The following AMPH variants were observed in gnomAD, a reference collection of about 807,000 sequenced individuals.
AMPH encodes the protein amphiphysin, also known as amphiphysin (Stiff-Mann syndrome with breast cancer 128kD autoantigen).
AMPH carries 49 observed loss-of-function variants against 99.1 expected under a neutral mutation model. That is an observed-to-expected ratio of 0.49 (90% CI 0.39 to 0.63). AMPH has a LOEUF of 0.63. Ranked by LOEUF, AMPH falls within the 20% of genes least tolerant of loss-of-function variation. AMPH has a pLI of 0.00. For synonymous variants in AMPH, 314 were observed against 317.3 expected (o/e 0.99, Z 0.11); for missense variants, 759 against 863.4 (o/e 0.88, Z 1.52).
chr7:38,393,150 A>C (rs1784564095), intron 18 of AMPH, among the ~76,000 whole-genome samples: 1 of 152,184 alleles, frequency 6.6e-6, no homozygotes, highest in Non-Finnish European at 1.5e-5. Flanking sequence ...GAGAAAATCT[A>C]AGGGGAAAAA....
chr7:38,606,537 T>C (rs182487616), intron 1 of AMPH, among the ~76,000 whole-genome samples: 37 of 151,154 alleles, frequency 2.4e-4, no homozygotes, highest in Admixed American at 2.3e-3. Flanking sequence ...CATTCATCCA[T>C]ACTGTGGCAC....
intron 1 of AMPH, among the ~76,000 whole-genome samples, chr7:38,612,084 C>CTTTTTTTTTTTTTTTTTTT (rs777855014): frequency 2.2e-5 from 2 of 90,892 alleles, no homozygotes; most frequent in Non-Finnish European, 4.2e-5. Flanking sequence ...TTTTTGTCTT[C>CTTTTTTTTTTTTTTTTTTT]TTCTTTTTTT....
intron 1 of AMPH, among the ~76,000 whole-genome samples, chr7:38,559,919 C>T (rs1005688267): frequency 6.6e-6 from 1 of 152,116 alleles, no homozygotes; most frequent in Non-Finnish European, 1.5e-5. Context: ...GCTGGGATCA[C>T]CTAACCAGTC....
At chr7:38,430,344 C>G (rs1165791284) in intron 13 of AMPH, among the ~76,000 whole-genome samples, 1 of 152,202 alleles carries the variant, frequency 6.6e-6, no homozygotes, top group African/African-American at 2.4e-5. Context: ...ATTAACCAGT[C>G]TGACTGCCTG....
chr7:38,486,522 T>C (rs1301318928), intron 5 of AMPH, among the ~76,000 whole-genome samples: 1 of 151,996 alleles, frequency 6.6e-6, no homozygotes, highest in African/African-American at 2.4e-5. Context: ...AAAGAATTAA[T>C]GCCAATTCTT....
intron 1 of AMPH, among the ~76,000 whole-genome samples, chr7:38,584,975 C>G (rs1792593175): frequency 1.3e-5 from 2 of 152,166 alleles, no homozygotes; most frequent in South Asian, 4.1e-4. Flanking sequence ...GTAAGAATTA[C>G]AAAGTTCATC....
chr7:38,560,686 T>C (rs1188012136), intron 1 of AMPH, among the ~76,000 whole-genome samples: 1 of 152,172 alleles, frequency 6.6e-6, no homozygotes, highest in African/African-American at 2.4e-5. Flanking sequence ...TGTTTGTTTG[T>C]TTTATTTTGT....
intron 1 of AMPH, among the ~76,000 whole-genome samples, chr7:38,593,454 G>T (rs545333576): frequency 6.6e-6 from 1 of 152,366 alleles, no homozygotes; most frequent in East Asian, 1.9e-4. Flanking sequence ...AGGGTAACAA[G>T]CAGCGTTCCT....
intron 7 of AMPH, among the ~76,000 whole-genome samples, chr7:38,471,952 T>C (rs1787903429): frequency 1.3e-5 from 2 of 152,056 alleles, no homozygotes; most frequent in Admixed American, 1.3e-4. Context: ...TATATACACC[T>C]AACAAAAGAG....
chr7:38,392,487 C>T (rs1784537870), intron 18 of AMPH: 1 of 150,124 alleles, frequency 6.7e-6, no homozygotes, highest in Non-Finnish European at 1.4e-5. Context: ...CCCGGGTTGA[C>T]GCCATTCTCC....
intron 11 of AMPH, among the ~76,000 whole-genome samples, chr7:38,443,004 T>A (rs1270073091): frequency 6.6e-6 from 1 of 151,988 alleles, no homozygotes; most frequent in African/African-American, 2.4e-5. Flanking sequence ...TGAACAAGGA[T>A]GCAGATTACC....
At chr7:38,564,019 T>G (rs1791644022) in intron 1 of AMPH, among the ~76,000 whole-genome samples, 1 of 152,224 alleles carries the variant, frequency 6.6e-6, no homozygotes, top group Admixed American at 6.5e-5. Context: ...TGACAAACAC[T>G]TGGGTCGCTT....
intron 1 of AMPH, among the ~76,000 whole-genome samples, chr7:38,561,924 G>GA (rs112793515): frequency 0.15 from 20,834 of 138,736 alleles, 1,511 homozygotes; most frequent in Middle Eastern, 0.25. Flanking sequence ...GGACTTGTAA[G>GA]AAAAAAAAAA....
At chr7:38,417,264 C>G (rs1785413007) in intron 17 of AMPH, among the ~76,000 whole-genome samples, 1 of 151,860 alleles carries the variant, frequency 6.6e-6, no homozygotes, top group Non-Finnish European at 1.5e-5. Flanking sequence ...ACAAATGGAT[C>G]CCCATCCCAG....
chr7:38,534,850 C>A, intron 2 of AMPH, 81 bp downstream of exon 2: 1 of 1,211,208 alleles, frequency 8.3e-7, no homozygotes, highest in Non-Finnish European at 1.2e-6. Context: ...TTTTTTTAAT[C>A]TTAATGCATT....
intron 5 of AMPH, 39 bp from the exon 6 acceptor site, chr7:38,477,008 G>C: frequency 1.3e-6 from 2 of 1,578,366 alleles, no homozygotes; most frequent in Non-Finnish European, 1.7e-6. Flanking sequence ...AAGAAGCATG[G>C]ACATAAGAGT....
chr7:38,467,458 A>G (rs1244554911), intron 7 of AMPH, among the ~76,000 whole-genome samples: 1 of 152,152 alleles, frequency 6.6e-6, no homozygotes, highest in African/African-American at 2.4e-5. Context: ...CAAGGCCCCA[A>G]TCAACTGGGA....
rs201688517 is a variant in AMPH at position 38,445,033 on chromosome 7, C to CAT, written c.1018-8647_1018-8646dup. On this transcript the variant is annotated intron_variant, in intron 11 of 20. Coordinates refer to ENST00000356264, the MANE Select transcript of AMPH (RefSeq NM_001635.4). ...TATACACACACACACACGGTATATACATATATATACATATATAGATGGTAT... is the reference window on the plus strand; with the variant it reads ...TATACACACACACACACGGTATATACATATATATATACATATATAGATGGTAT... Among the ~76,000 whole-genome samples, 5 of 139,824 alleles carry CAT rather than the reference C, an allele frequency of 3.6e-5. 1 individual carries two copies. The East Asian group carries it at 1.4e-3, about 39-fold the overall frequency. The allele number at this position is 139,824 out of a possible 152,430, so 91.7% of individuals were successfully genotyped here. A position where few individuals can be genotyped will look rare whatever the true frequency, so the allele number is the denominator to read the frequency against.
At chr7:38,429,955 G>A (rs1267797099) in intron 13 of AMPH, 90 bp from the exon 14 acceptor site, 17 of 1,223,496 alleles carry the variant, frequency 1.4e-5, no homozygotes, top group Non-Finnish European at 1.9e-5. Context: ...TCAACATTCT[G>A]CTGAAGGCTA....
Sources: allele counts gnomAD v4.1 joint callset (sites outside exome capture counted in the v4.1 genomes callset), GRCh38; gene constraint gnomAD v4.1.1; transcripts MANE v1.5; gene names NCBI Gene and HGNC (gene_info 2026-07-23, HGNC 2026-07-21).